TBC1D32: variants seen among roughly 807,000 people sequenced by gnomAD.
The protein encoded by TBC1D32 is protein broad-minded.
Under a neutral mutation model 170.3 loss-of-function variants are expected in TBC1D32, and 151 were observed. The observed-to-expected ratio is 0.89, with a 90% CI of 0.78 to 1.01. The LOEUF (loss-of-function observed/expected upper bound fraction) is 1.01. TBC1D32 is among the 50% of genes least tolerant of loss of function. The pLI is 0.00. For synonymous variants in TBC1D32, 498 were observed against 488.0 expected (o/e 1.02, Z -0.27); for missense variants, 1,464 against 1,457.1 (o/e 1.00, Z -0.08).
intron 22 of TBC1D32, among the ~76,000 whole-genome samples, chr6:121,185,506 C>T (rs1000358295): frequency 1.3e-5 from 2 of 152,094 alleles, no homozygotes; most frequent in African/African-American, 4.8e-5. Context: ...GTGAGTTGAA[C>T]AATATGGATT....
At chr6:121,114,758 G>C (rs2128200199) in intron 27 of TBC1D32, among the ~76,000 whole-genome samples, 1 of 152,200 alleles carries the variant, frequency 6.6e-6, no homozygotes, top group South Asian at 2.1e-4. Context: ...ATTACAACTT[G>C]AGTATTAAAA....
At chr6:121,130,011 A>G (rs1781258469) in intron 25 of TBC1D32, 3 of 400,706 alleles carry the variant, frequency 7.5e-6, no homozygotes, top group Non-Finnish European at 1.4e-5. Context: ...TAAATTAGAA[A>G]TCACAAAAAC....
chr6:121,330,325 A>G (rs965747750), intron 1 of TBC1D32, among the ~76,000 whole-genome samples: 1 of 152,136 alleles, frequency 6.6e-6, no homozygotes, highest in Non-Finnish European at 1.5e-5. Flanking sequence ...TGAGCCACTG[A>G]GCCCAGCCCC....
At chr6:121,141,681 T>C (rs968794680) in intron 24 of TBC1D32, among the ~76,000 whole-genome samples, 4 of 152,038 alleles carry the variant, frequency 2.6e-5, no homozygotes, top group Admixed American at 2.6e-4. Context: ...AAACATAGAT[T>C]ATCATATAAT....
intron 22 of TBC1D32, among the ~76,000 whole-genome samples, chr6:121,195,315 C>T (rs1335376874): frequency 6.6e-6 from 1 of 152,114 alleles, no homozygotes; most frequent in Non-Finnish European, 1.5e-5. Flanking sequence ...TTTGGCTGGC[C>T]CCCATAAGTG....
chr6:121,122,363 A>C (rs1028024743), intron 26 of TBC1D32, among the ~76,000 whole-genome samples: 1 of 151,974 alleles, frequency 6.6e-6, no homozygotes, highest in African/African-American at 2.4e-5. Context: ...TTAGGATGTC[A>C]TGCCTATGTT....
chr6:121,243,522 T>C (rs1010819647), intron 17 of TBC1D32, among the ~76,000 whole-genome samples: 1 of 152,058 alleles, frequency 6.6e-6, no homozygotes, highest in African/African-American at 2.4e-5. Context: ...ATCTACCCTA[T>C]AGTGAGAGAT....
At chr6:121,279,098 T>A in intron 15 of TBC1D32, 23 bp downstream of exon 15, 5 of 1,574,110 alleles carry the variant, frequency 3.2e-6, no homozygotes, top group Non-Finnish European at 4.3e-6. Flanking sequence ...GGAATAATTA[T>A]CCGGATTTAA....
intron 19 of TBC1D32, among the ~76,000 whole-genome samples, chr6:121,240,910 T>C (rs964716509): frequency 3.4e-5 from 5 of 145,046 alleles, no homozygotes; most frequent in Non-Finnish European, 7.6e-5. Context: ...ACATACTAAA[T>C]TTCCAATGTT....
At chr6:121,121,509 C>T (rs1046074371) in intron 26 of TBC1D32, among the ~76,000 whole-genome samples, 13 of 151,990 alleles carry the variant, frequency 8.6e-5, no homozygotes, top group African/African-American at 2.9e-4. Context: ...TTATTCACTG[C>T]CCCTTAAGTA....
At chr6:121,275,851 G>T (rs1380520231) in intron 15 of TBC1D32, among the ~76,000 whole-genome samples, 1 of 152,180 alleles carries the variant, frequency 6.6e-6, no homozygotes, top group Non-Finnish European at 1.5e-5. Context: ...GAGGCTGGGT[G>T]AGGTGGCTGA....
intron 22 of TBC1D32, among the ~76,000 whole-genome samples, chr6:121,202,075 G>T (rs930779166): frequency 6.6e-6 from 1 of 150,902 alleles, no homozygotes; most frequent in Non-Finnish European, 1.5e-5. Context: ...CAGAAGGCAG[G>T]TGTATATATA....
chr6:121,222,225 CTAAAG>C (rs768230827), intron 21 of TBC1D32, among the ~76,000 whole-genome samples: 1 of 152,104 alleles, frequency 6.6e-6, no homozygotes, highest in Non-Finnish European at 1.5e-5. Flanking sequence ...ACATTTTAGA[CTAAAG>C]TATAGTGTAA....
At chr6:121,227,679 G>T (rs918844496) in intron 20 of TBC1D32, among the ~76,000 whole-genome samples, 1 of 151,632 alleles carries the variant, frequency 6.6e-6, no homozygotes, top group African/African-American at 2.4e-5. Flanking sequence ...ATAATAAATG[G>T]TCCTTTTATA....
At chr6:121,263,525 G>A (rs996358680) in intron 15 of TBC1D32, among the ~76,000 whole-genome samples, 5 of 152,044 alleles carry the variant, frequency 3.3e-5, no homozygotes, top group African/African-American at 1.2e-4. Context: ...ATATGAGACA[G>A]TGGGGTATTA....
chr6:121,157,528 G>C (rs1785061423), intron 24 of TBC1D32, among the ~76,000 whole-genome samples: 2 of 152,130 alleles, frequency 1.3e-5, no homozygotes. Context: ...TGATATGTGA[G>C]ATTCTGATCC....
intron 15 of TBC1D32, among the ~76,000 whole-genome samples, chr6:121,276,568 T>A (rs1319709602): frequency 6.6e-6 from 1 of 152,140 alleles, no homozygotes; most frequent in African/African-American, 2.4e-5. Flanking sequence ...TATCAATAAT[T>A]AATTGTTAAT....
chr6:121,181,010 A>T (rs914042750), intron 22 of TBC1D32, among the ~76,000 whole-genome samples: 1 of 152,142 alleles, frequency 6.6e-6, no homozygotes, highest in African/African-American at 2.4e-5. Context: ...ACTAATCACC[A>T]GGGAAATGCA....
chr6:121,105,672 G>A (rs1413292599), intron 30 of TBC1D32, among the ~76,000 whole-genome samples: 1 of 151,918 alleles, frequency 6.6e-6, no homozygotes, highest in Non-Finnish European at 1.5e-5. Context: ...TTTTTTGTTA[G>A]ATAAGACACA....
Sources: allele counts gnomAD v4.1 joint callset (sites outside exome capture counted in the v4.1 genomes callset), GRCh38; gene constraint gnomAD v4.1.1; transcripts MANE v1.5; gene names NCBI Gene and HGNC (gene_info 2026-07-23, HGNC 2026-07-21).